Variants in ZNF607 observed in about 807,000 individuals in gnomAD.
The protein encoded by ZNF607 is zinc finger protein 607.
A neutral mutation model predicts 12.8 loss-of-function variants in ZNF607; 5 were observed. The observed-to-expected ratio is 0.39, with a 90% CI of 0.20 to 0.82. The LOEUF is 0.82. Ranked by LOEUF, ZNF607 falls within the 40% of genes least tolerant of loss-of-function variation. ZNF607 has a pLI of 0.39. For synonymous variants in ZNF607, 287 were observed against 276.2 expected (o/e 1.04, Z -0.39); for missense variants, 851 against 859.2 (o/e 0.99, Z 0.12).
chr19:37,718,724 C>T (rs2045198915), intron 1 of ZNF607, among the ~76,000 whole-genome samples: 1 of 152,178 alleles, frequency 6.6e-6, no homozygotes, highest in Non-Finnish European at 1.5e-5. Flanking sequence ...CCTCCACCGT[C>T]CCCCAGGTCT....
Position 37,699,413 on chromosome 19 carries a change from G to A in ZNF607, c.718C>T (p.Leu240Phe). 1 of 1,614,134 alleles carries A rather than the reference G, an allele frequency of 6.2e-7. No individual in the cohort carries two copies. Among genetic ancestry groups the A allele is most frequent in the Non-Finnish European group, 8.5e-7 (1 of 1,180,016 alleles). ...GTGTGAATACTCTGATGTCGACTAA[G>A]TCGTCCATACACACTAAAGGCCTTG... is the stretch of plus-strand genomic sequence containing the variant. ...CGKAFSVYGR[L>F]SRHQSIHTGE... Residue 240 changes from leucine to phenylalanine, a missense_variant, in exon 5 of 5, where the codon CTT becomes TTT. Transcript: ENST00000355202.
chr19:37,701,287 A>G (rs1243897809), intron 4 of ZNF607, among the ~76,000 whole-genome samples: 1 of 152,234 alleles, frequency 6.6e-6, no homozygotes, highest in Non-Finnish European at 1.5e-5. Flanking sequence ...TCTTCAAAGA[A>G]TTAATCTATC....
intron 3 of ZNF607, among the ~76,000 whole-genome samples, chr19:37,708,389 T>G (rs2045104537): frequency 6.6e-6 from 1 of 150,396 alleles, no homozygotes; most frequent in African/African-American, 2.4e-5. Context: ...AGAAATGGGG[T>G]TTCGCCATGT....
chr19:37,707,866 G>A (rs750514301), intron 4 of ZNF607, 48 bp downstream of exon 4: 3 of 1,404,698 alleles, frequency 2.1e-6, no homozygotes, highest in South Asian at 2.4e-5. Context: ...ACTTCCACGA[G>A]GGCTATTTGC....
chr19:37,704,258 C>T (rs925300117), intron 4 of ZNF607, among the ~76,000 whole-genome samples: 3 of 152,066 alleles, frequency 2.0e-5, no homozygotes, highest in Admixed American at 6.6e-5. Context: ...ACAGTATTAA[C>T]CAAGAAACTA....
chr19:37,703,203 C>A (rs1260705945), intron 4 of ZNF607, among the ~76,000 whole-genome samples: 2 of 151,432 alleles, frequency 1.3e-5, no homozygotes, highest in African/African-American at 4.9e-5. Context: ...CCCGCCTTGG[C>A]CTCCCAGAGT....
At chr19:37,707,576 C>T (rs941546581) in intron 4 of ZNF607, among the ~76,000 whole-genome samples, 7 of 151,890 alleles carry the variant, frequency 4.6e-5, no homozygotes, top group Non-Finnish European at 2.9e-5. Flanking sequence ...TTGACAACAG[C>T]CCGGGCAATG....
chr19:37,698,671 C>T lies in ZNF607; in HGVS notation c.1460G>A (p.Ser487Asn). 6.2e-7 allele frequency: 1 copy of T among 1,613,698 alleles called. No homozygotes were observed. Among genetic ancestry groups the T allele is most frequent in the Non-Finnish European group, 8.5e-7 (1 of 1,179,900 alleles). Residue 487 changes from serine (S) to asparagine (N), a missense_variant, in exon 5 of 5, where the codon AGT becomes AAT. Physicochemically the swap from Ser to Asn is conservative, Grantham distance 46 (BLOSUM62 1). Coordinates refer to ENST00000355202, the MANE Select transcript of ZNF607 (RefSeq NM_032689.5). The part of the protein sequence containing the change: ...YVCQECGKGF[S>N]YSHKLTIHRR... The stretch of plus-strand genomic sequence containing the variant: ...ATGTATAGTGAGTTTATGGCTATAA[C>T]TAAAACCCTTCCCACACTCTTGACA...
chr19:37,706,552 T>C (rs1267870769), intron 4 of ZNF607: 1 of 152,192 alleles, frequency 6.6e-6, no homozygotes, highest in Non-Finnish European at 1.5e-5. Context: ...GGTCTCTCAG[T>C]TGGAATCCAC....
chr19:37,709,880 G>T, intron 2 of ZNF607, 58 bp from the exon 3 acceptor site: 1 of 1,588,048 alleles, frequency 6.3e-7, no homozygotes. Context: ...GGAGGGGCCG[G>T]GCACTGTGGC....
chr19:37,707,788 A>C (rs2145237625), intron 4 of ZNF607, 126 bp downstream of exon 4: 1 of 697,080 alleles, frequency 1.4e-6, no homozygotes, highest in East Asian at 2.7e-5. Flanking sequence ...CCACATCAGA[A>C]GCCTCCTCGC....
Position 37,698,764 on chromosome 19 carries a change from T to C in ZNF607, c.1367A>G (p.Lys456Arg), listed in dbSNP as rs2045005894. ...YKPFECKECG[K>R]SFRCASYLVI... ...AAGATATGAGGCACAACGAAAGGACTTCCCACATTCTTTACATTCAAAGGG... is the reference window on the plus strand; with the variant it reads ...AAGATATGAGGCACAACGAAAGGACCTCCCACATTCTTTACATTCAAAGGG... Residue 456 changes from lysine to arginine, a missense_variant, in exon 5 of 5, where the codon AAG (lysine) becomes AGG (arginine). Physicochemically the swap from Lys to Arg is conservative, Grantham distance 26. Coordinates refer to ENST00000355202, the MANE Select transcript of ZNF607 (RefSeq NM_032689.5). 1 of 1,613,744 alleles carries C rather than the reference T, an allele frequency of 6.2e-7. No individual in the cohort carries two copies. The highest frequency in any genetic ancestry group is 1.3e-5 in the African/African-American group (1 of 74,896).
chr19:37,710,618 AG>A (rs895631069), intron 2 of ZNF607, among the ~76,000 whole-genome samples: 14 of 152,182 alleles, frequency 9.2e-5, no homozygotes, highest in Admixed American at 8.5e-4. Context: ...TTTTTGAAGA[AG>A]CTTGAAACAC....
At chr19:37,709,867 A>G in intron 2 of ZNF607, 45 bp from the exon 3 acceptor site, 1 of 1,600,318 alleles carries the variant, frequency 6.2e-7, no homozygotes, top group African/African-American at 1.3e-5. Flanking sequence ...TCCAAAATGG[A>G]GTGGAGGGGC....
rs191191825 is a variant in ZNF607 at position 37,700,476 on chromosome 19, C to T, written c.236-581G>A. On this transcript the variant is annotated intron_variant, in intron 4 of 4. Coordinates refer to ENST00000355202, the MANE Select transcript of ZNF607 (RefSeq NM_032689.5). ...CATAGAAAGGAATAAACTACAGTTT[C>T]GGGAACACCCATATTTCAGGGAAGA... 2.3e-4 allele frequency among the ~76,000 whole-genome samples: 35 copies of T among 152,180 alleles called. No individual in the cohort carries two copies. The East Asian group carries it at 4.6e-3, about 20-fold the overall frequency.
Position 37,698,884 on chromosome 19 carries a change from G to C in ZNF607, c.1247C>G (p.Thr416Ser), listed in dbSNP as rs2045008450. ...SSLKIHQNIHTGEKPYKCKEC... is the reference protein window; with the variant it reads ...SSLKIHQNIHSGEKPYKCKEC... ...CTTACATTTGTAGGGTTTCTCACCG[G>C]TATGAATATTTTGATGTATTTTAAG... is the stretch of plus-strand genomic sequence containing the variant. The change falls in exon 5 of 5, where the codon ACC becomes AGC. Residue 416 changes from threonine to serine, a missense_variant. Physicochemically the swap from Thr to Ser is moderately conservative, Grantham distance 58. Transcript: ENST00000355202. 1 of 1,613,834 alleles carries C rather than the reference G, an allele frequency of 6.2e-7. No homozygotes were observed. Among genetic ancestry groups the C allele is most frequent in the East Asian group, 2.2e-5 (1 of 44,852 alleles).
At chr19:37,713,860 C>T (rs181390240) in intron 1 of ZNF607, among the ~76,000 whole-genome samples, 16 of 152,148 alleles carry the variant, frequency 1.1e-4, no homozygotes, top group Non-Finnish European at 1.5e-4. Context: ...TTTTGATTAT[C>T]GAAATTAAAA....
intron 4 of ZNF607, among the ~76,000 whole-genome samples, chr19:37,701,572 C>A (rs2045039041): frequency 6.6e-6 from 1 of 152,320 alleles, no homozygotes; most frequent in Admixed American, 6.5e-5. Flanking sequence ...GGGATAAGAA[C>A]CCCTTCCCCT....
rs368554763 is a variant in ZNF607, at chr19:37,709,741, A to G, written c.91T>C (p.Tyr31His). The G allele has an allele frequency of 8.7e-5, 140 of 1,613,978 alleles. No individual in the cohort carries two copies. The highest frequency in any genetic ancestry group is 1.1e-4 in the Non-Finnish European group (135 of 1,179,920). Reference protein sequence around the residue: ...EYLSLVQKTLYQEVMMENYDN... With the variant: ...EYLSLVQKTLHQEVMMENYDN... Reference sequence around the variant, plus strand: ...TAGTTCTCCATCATCACCTCCTGGTACAAGGTCTTCTGAACCAGGCTGAGA... The same window carrying G: ...TAGTTCTCCATCATCACCTCCTGGTGCAAGGTCTTCTGAACCAGGCTGAGA... Residue 31 changes from tyrosine (Y) to histidine (H), a missense_variant, in exon 3 of 5, where the codon TAC becomes CAC. Tyr to His is a moderately conservative substitution (Grantham distance 83, BLOSUM62 2). Coordinates refer to ENST00000355202, the MANE Select transcript of ZNF607 (RefSeq NM_032689.5).
Sources: allele counts gnomAD v4.1 joint callset (sites outside exome capture counted in the v4.1 genomes callset), GRCh38; gene constraint gnomAD v4.1.1; transcripts MANE v1.5; gene names NCBI Gene and HGNC (gene_info 2026-07-23, HGNC 2026-07-21).